Variants in SLC28A3 observed in about 807,000 individuals in gnomAD.
SLC28A3 encodes the protein concentrative Na(+)-nucleoside cotransporter 3.
In SLC28A3, 68 loss-of-function variants were observed where a neutral mutation model predicts 84.2. That is an observed-to-expected ratio of 0.81 (90% CI 0.66 to 0.99). SLC28A3 has a LOEUF of 0.99. SLC28A3 is among the 50% of genes least tolerant of loss of function. The pLI is 0.00. For missense variants in SLC28A3, 712 were observed against 841.5 expected, an observed-to-expected ratio of 0.85 and a Z score of 1.90; for synonymous variants, 267 against 303.6, an observed-to-expected ratio of 0.88 and a Z score of 1.25.
Position 84,277,424 on chromosome 9 carries a change from G to A in SLC28A3, c.*794C>T, listed in dbSNP as rs1268747033. ...TAGCGGAAGATGAAAGAGCCATCAT[G>A]TGGTTCCCACCTTTCTTTTCCCTCT... On this transcript the variant is annotated 3_prime_UTR_variant, in exon 18 of 18. Coordinates refer to ENST00000376238, the MANE Select transcript of SLC28A3 (RefSeq NM_001199633.2). 1 of 152,274 alleles carries A rather than the reference G, an allele frequency of 6.6e-6. No homozygotes were observed. Among genetic ancestry groups the A allele is most frequent in the Admixed American group, 6.5e-5 (1 of 15,288 alleles). The allele number at this position is 152,274 out of a possible 1,614,324, so 9.4% of individuals were successfully genotyped here.
rs777195572 is a variant in SLC28A3, at chr9:84,280,853, A to G, written c.1677T>C (p.Ala559=). The part of the protein sequence containing the change: ...SIRSEIIATY[A]LCGFANIGSL... ...ACCCGATATTGGCAAAACCACAGAG[A>G]GCGTAAGTGGCGATTATCTCAGAAC... is the stretch of plus-strand genomic sequence containing the variant. The change falls in exon 15 of 18, where the codon GCT becomes GCC. Residue 559 remains alanine (A), a synonymous_variant. Coordinates refer to ENST00000376238, the MANE Select transcript of SLC28A3 (RefSeq NM_001199633.2). The G allele has an allele frequency of 4.3e-6, 7 of 1,614,146 alleles. No homozygotes were observed. In the South Asian group the frequency reaches 6.6e-5, roughly 15 times the overall value.
intron 1 of SLC28A3, among the ~76,000 whole-genome samples, chr9:84,335,246 CCTA>C (rs1826931105): frequency 2.0e-5 from 3 of 152,134 alleles, no homozygotes; most frequent in African/African-American, 7.2e-5. Context: ...AGATTTTCTA[CCTA>C]AATAAAGCCT....
intron 3 of SLC28A3, among the ~76,000 whole-genome samples, chr9:84,307,123 C>A (rs953725144): frequency 7.2e-6 from 1 of 137,948 alleles, no homozygotes; most frequent in African/African-American, 2.8e-5. Flanking sequence ...CACTGCACCC[C>A]GTCTCAACCA....
chr9:84,292,617 A>G (rs766527807), intron 10 of SLC28A3, 51 bp downstream of exon 10: 39 of 1,446,826 alleles, frequency 2.7e-5, no homozygotes, highest in Admixed American at 2.4e-4. Flanking sequence ...CTTTTTGGAA[A>G]GAGACGATCC....
intron 6 of SLC28A3, 99 bp downstream of exon 6, chr9:84,299,482 A>T: frequency 1.3e-6 from 2 of 1,482,074 alleles, no homozygotes; most frequent in Non-Finnish European, 1.8e-6. Context: ...TAAGAAAAGT[A>T]CTGAACAATA....
intron 8 of SLC28A3, among the ~76,000 whole-genome samples, chr9:84,295,446 G>A (rs983887598): frequency 2.6e-5 from 4 of 152,180 alleles, no homozygotes; most frequent in African/African-American, 4.8e-5. Flanking sequence ...TTAGCCAGGC[G>A]TGGTGGCACA....
chr9:84,359,483 G>C, the SLC28A3 span, among the ~76,000 whole-genome samples: 6 of 152,176 alleles, frequency 3.9e-5, no homozygotes, highest in African/African-American at 1.2e-4. Context: ...AGGCACATCT[G>C]TAAGAACTGA....
At chr9:84,304,436 A>G (rs1340654203) in intron 4 of SLC28A3, among the ~76,000 whole-genome samples, 1 of 150,444 alleles carries the variant, frequency 6.6e-6, no homozygotes, top group African/African-American at 2.5e-5. Flanking sequence ...CTCAGCTTCA[A>G]GAAAAACAAA....
At chr9:84,299,781 A>G in intron 5 of SLC28A3, 56 bp from the exon 6 acceptor site, 2 of 1,525,786 alleles carry the variant, frequency 1.3e-6, no homozygotes, top group East Asian at 4.6e-5. Flanking sequence ...CTTGAGAATC[A>G]TAATCAGGCT....
rs1380389115 is a variant in SLC28A3 at position 84,305,247 on chromosome 9, T to A, written c.334+7A>T. On this transcript the variant is annotated splice_region_variant and intron_variant, in intron 4 of 17. Coordinates refer to ENST00000376238, the MANE Select transcript of SLC28A3 (RefSeq NM_001199633.2). ...CAGTGGTATCCCTAACCATCTTTGT[T>A]ATTTACCTGCTAATAAAATGCCCCA... 1 of 1,608,008 alleles carries A rather than the reference T, an allele frequency of 6.2e-7. No individual in the cohort carries two copies. Among genetic ancestry groups the A allele is most frequent in the Non-Finnish European group, 8.5e-7 (1 of 1,177,840 alleles).
Position 84,302,437 on chromosome 9 carries a change from C to T in SLC28A3, c.335-48G>A, listed in dbSNP as rs564120745. On this transcript the variant is annotated intron_variant, in intron 4 of 17. Coordinates refer to ENST00000376238, the MANE Select transcript of SLC28A3 (RefSeq NM_001199633.2). ...CACTGAACATCACTAACCACTGGGACACGCCTCCAGGCTCCAGCCTTGTTC... is the reference window on the plus strand; with the variant it reads ...CACTGAACATCACTAACCACTGGGATACGCCTCCAGGCTCCAGCCTTGTTC... 10 of 1,579,304 alleles carry T rather than the reference C, an allele frequency of 6.3e-6. No homozygotes were observed. The East Asian group carries it at 1.6e-4, about 25-fold the overall frequency.
At chr9:84,319,996 T>C (rs928124967) in intron 1 of SLC28A3, among the ~76,000 whole-genome samples, 1 of 151,844 alleles carries the variant, frequency 6.6e-6, no homozygotes, top group East Asian at 1.9e-4. Context: ...ATCTTCTAGC[T>C]GTACTTTTTA....
At chr9:84,360,205 A>G in the SLC28A3 span, among the ~76,000 whole-genome samples, 1 of 151,922 alleles carries the variant, frequency 6.6e-6, no homozygotes, top group Non-Finnish European at 1.5e-5. Context: ...GAGGTTTTGA[A>G]TAGGGGAGAA....
chr9:84,305,311 A>G lies in SLC28A3; in HGVS notation c.277T>C (p.Phe93Leu), dbSNP rs1221827336. ...LERRYDTVCG[F>L]CRKHKTTLRH... ...AGAGTTGTTTTGTGTTTCCTACAGA[A>G]ACCACATACTGTGTCATACCTCCTT... is the stretch of plus-strand genomic sequence containing the variant. Residue 93 changes from phenylalanine to leucine, a missense_variant, in exon 4 of 18, where the codon TTC becomes CTC. Physicochemically the swap from Phe to Leu is conservative, Grantham distance 22 (BLOSUM62 0). Transcript: ENST00000376238. 2 of 1,613,392 alleles carry G rather than the reference A, an allele frequency of 1.2e-6. No individual in the cohort carries two copies. Among genetic ancestry groups the G allele is most frequent in the African/African-American group, 2.7e-5 (2 of 74,894 alleles).
chr9:84,282,970 A>G (rs1026559558), intron 14 of SLC28A3, among the ~76,000 whole-genome samples: 2 of 152,224 alleles, frequency 1.3e-5, no homozygotes, highest in African/African-American at 4.8e-5. Context: ...GTAGGTATGC[A>G]GTCTACCCTT....
At chr9:84,283,040 C>G (rs555581381) in intron 14 of SLC28A3, among the ~76,000 whole-genome samples, 2 of 146,914 alleles carry the variant, frequency 1.4e-5, no homozygotes, top group Non-Finnish European at 3.0e-5. Flanking sequence ...TAGTTCAGTT[C>G]AGCTGGCTTC....
At chr9:84,311,738 C>A (rs1235810055) in intron 2 of SLC28A3, among the ~76,000 whole-genome samples, 1 of 152,118 alleles carries the variant, frequency 6.6e-6, no homozygotes, top group Non-Finnish European at 1.5e-5. Flanking sequence ...TGCCGGTAAT[C>A]CCAACTACAC....
At chr9:84,350,774 C>T in the SLC28A3 span, among the ~76,000 whole-genome samples, 8,973 of 152,136 alleles carry the variant, frequency 0.059, 567 homozygotes, top group East Asian at 0.17. Flanking sequence ...CACAGTGGTG[C>T]GATCTTGGCT....
At chr9:84,352,605 C>T in the SLC28A3 span, among the ~76,000 whole-genome samples, 15 of 151,896 alleles carry the variant, frequency 9.9e-5, no homozygotes, top group East Asian at 2.7e-3. Context: ...AAGATTATGG[C>T]CAGGTGTGGT....
Sources: gnomAD v4.1 joint callset for allele counts (sites outside exome capture counted in the v4.1 genomes callset) on GRCh38, gnomAD v4.1.1 for gene constraint, MANE v1.5 for transcripts, NCBI Gene and HGNC (gene_info 2026-07-23, HGNC 2026-07-21) for gene names.